Variants in PCLO observed in about 807,000 individuals in gnomAD.
PCLO encodes protein piccolo.
PCLO carries 82 observed loss-of-function variants against 427.5 expected under a neutral mutation model. The ratio of observed to expected loss-of-function variants is 0.19; its 90% CI spans 0.16 to 0.23. The LOEUF (loss-of-function observed/expected upper bound fraction) is 0.23. PCLO is among the 10% of genes least tolerant of loss of function. PCLO has a pLI of 1.00. For missense variants in PCLO, 6,239 were observed against 6,115.9 expected (o/e 1.02, Z -0.67); for synonymous variants, 2,357 against 2,155.4 (o/e 1.09, Z -2.59).
chr7:83,146,252 T>C (rs548630510), intron 2 of PCLO, among the ~76,000 whole-genome samples: 7 of 152,350 alleles, frequency 4.6e-5, no homozygotes, highest in African/African-American at 1.7e-4. Flanking sequence ...TTCATAGTCA[T>C]GTCACTAAGA....
At chr7:83,081,545 T>A (rs1482225979) in intron 3 of PCLO, among the ~76,000 whole-genome samples, 2 of 151,902 alleles carry the variant, frequency 1.3e-5, no homozygotes, top group Non-Finnish European at 2.9e-5. Context: ...ATGTCTTAAA[T>A]CTCACAAATT....
rs541081908 is a variant in PCLO, at chr7:82,925,479, C to A, written c.11113-8606G>T. Among the ~76,000 whole-genome samples the A allele has an allele frequency of 2.6e-5, 4 of 152,188 alleles. No individual in the cohort carries two copies. The East Asian group carries it at 7.7e-4, about 29-fold the overall frequency. ...AAATGTCAATGAAAACAGCAATACA[C>A]CTTCTAGGGGTCCCCACCTGCACTC... On this transcript the variant is annotated intron_variant, in intron 6 of 24. Transcript: ENST00000333891.
chr7:82,777,499 A>G (rs1790779455), intron 22 of PCLO, among the ~76,000 whole-genome samples: 1 of 152,118 alleles, frequency 6.6e-6, no homozygotes, highest in Non-Finnish European at 1.5e-5. Flanking sequence ...CCCTACTTCA[A>G]CCTATACTGT....
intron 10 of PCLO, among the ~76,000 whole-genome samples, chr7:82,847,756 G>A (rs1406587870): frequency 2.0e-5 from 3 of 152,220 alleles, no homozygotes; most frequent in East Asian, 1.9e-4. Context: ...ATGCCACTTC[G>A]TGTCTTTTTC....
At chr7:83,020,380 T>A (rs975248105) in intron 3 of PCLO, among the ~76,000 whole-genome samples, 3 of 146,444 alleles carry the variant, frequency 2.0e-5, no homozygotes, top group Admixed American at 6.8e-5. Context: ...GGAAACTTAA[T>A]CCCTATTTGG....
intron 10 of PCLO, among the ~76,000 whole-genome samples, chr7:82,854,727 C>G (rs2115868608): frequency 6.6e-6 from 1 of 152,132 alleles, no homozygotes; most frequent in Non-Finnish European, 1.5e-5. Context: ...GCATGGATAT[C>G]TTTTTAAATC....
chr7:82,775,400 G>C (rs1790728905), intron 22 of PCLO, among the ~76,000 whole-genome samples: 1 of 152,146 alleles, frequency 6.6e-6, no homozygotes, highest in Non-Finnish European at 1.5e-5. Context: ...TCCAGCATTT[G>C]GTGGTGCCAG....
intron 3 of PCLO, among the ~76,000 whole-genome samples, chr7:83,001,061 G>GT (rs1386089461): frequency 1.4e-4 from 21 of 151,824 alleles, no homozygotes; most frequent in African/African-American, 5.1e-4. Context: ...AAAAATATCT[G>GT]TATCTTTTCA....
chr7:82,971,579 A>G (rs970777609), intron 3 of PCLO, among the ~76,000 whole-genome samples: 34 of 147,554 alleles, frequency 2.3e-4, no homozygotes, highest in Middle Eastern at 7.1e-3. Flanking sequence ...GTTATATAAT[A>G]TATAATATAT....
intron 10 of PCLO, among the ~76,000 whole-genome samples, chr7:82,856,923 G>A (rs1366822067): frequency 6.6e-6 from 1 of 151,976 alleles, no homozygotes; most frequent in African/African-American, 2.4e-5. Context: ...TCAGGAGTGG[G>A]TTAGTTATCC....
At chr7:82,921,796 A>G (rs2116299438) in intron 6 of PCLO, among the ~76,000 whole-genome samples, 1 of 152,074 alleles carries the variant, frequency 6.6e-6, no homozygotes, top group East Asian at 1.9e-4. Context: ...CAACAGAGTG[A>G]CAGAAAATCT....
At chr7:82,777,254 T>G (rs754055484) in intron 22 of PCLO, among the ~76,000 whole-genome samples, 9 of 151,986 alleles carry the variant, frequency 5.9e-5, no homozygotes, top group African/African-American at 2.2e-4. Context: ...AAATCAGAGA[T>G]GACACAAACA....
intron 18 of PCLO, among the ~76,000 whole-genome samples, chr7:82,825,642 A>G (rs1791917125): frequency 6.7e-6 from 1 of 148,182 alleles, no homozygotes; most frequent in African/African-American, 2.5e-5. Flanking sequence ...TATTATACAT[A>G]ATATGTATAG....
In PCLO at chr7:82,954,240, T is replaced by C. The variant is rs1457359489; in HGVS notation, c.6713A>G (p.Asp2238Gly). ...AGATACACTTATTTCTTCTGGATAG[T>C]CTATAATGCTGCCTGGAAAATAAGT... ...SSTYFPGSII[D>G]YPEEISVSLD... is the part of the protein sequence containing the mutation. The change falls in exon 5 of 25, where the codon GAC becomes GGC. Residue 2238 changes from aspartate to glycine, a missense_variant. Coordinates refer to ENST00000333891, the MANE Select transcript of PCLO (RefSeq NM_033026.6). 3 of 1,613,790 alleles carry C rather than the reference T, an allele frequency of 1.9e-6. No individual in the cohort carries two copies. The South Asian group carries it at 3.3e-5, about 18-fold the overall frequency.
At chr7:82,974,153 G>A (rs1369447441) in intron 3 of PCLO, among the ~76,000 whole-genome samples, 5 of 152,044 alleles carry the variant, frequency 3.3e-5, no homozygotes, top group African/African-American at 7.2e-5. Context: ...TTGGGAGACC[G>A]AGGTGGGTAG....
At chr7:82,957,435 A>G (rs1795552544) in intron 4 of PCLO, among the ~76,000 whole-genome samples, 1 of 152,188 alleles carries the variant, frequency 6.6e-6, no homozygotes, top group Non-Finnish European at 1.5e-5. Context: ...AGCAAATAAC[A>G]TGTCATAATA....
chr7:82,902,884 A>G, intron 8 of PCLO, 143 bp from the exon 9 acceptor site: 1 of 583,282 alleles, frequency 1.7e-6, no homozygotes, highest in Non-Finnish European at 3.1e-6. Context: ...GGCAATTTAA[A>G]CATCTTACAC....
intron 10 of PCLO, among the ~76,000 whole-genome samples, chr7:82,852,116 A>C (rs1236064728): frequency 6.6e-6 from 1 of 152,142 alleles, no homozygotes; most frequent in East Asian, 1.9e-4. Flanking sequence ...CTAGTATTTG[A>C]ATAGTGTCCT....
chr7:82,943,494 T>C (rs540289809), intron 6 of PCLO, among the ~76,000 whole-genome samples: 3 of 152,152 alleles, frequency 2.0e-5, no homozygotes, highest in South Asian at 2.1e-4. Context: ...AAAACTCTTA[T>C]ACTTTAAGAT....
Sources: gnomAD v4.1 joint callset for allele counts (sites outside exome capture counted in the v4.1 genomes callset) on GRCh38, gnomAD v4.1.1 for gene constraint, MANE v1.5 for transcripts, NCBI Gene and HGNC (gene_info 2026-07-23, HGNC 2026-07-21) for gene names.